Variants in DHX16 observed in about 807,000 individuals in gnomAD.
DHX16 encodes the protein pre-mRNA-splicing factor ATP-dependent RNA helicase DHX16.
DHX16 carries 81 observed loss-of-function variants against 131.2 expected under a neutral mutation model. The ratio of observed to expected loss-of-function variants is 0.62; its 90% confidence interval spans 0.52 to 0.74. The LOEUF is 0.74. DHX16 is among the 30% of genes least tolerant of loss of function. DHX16 has a pLI of 0.00. For synonymous variants in DHX16, 440 were observed against 520.2 expected (o/e 0.85, Z 2.10); for missense variants, 980 against 1,363.1 (o/e 0.72, Z 4.43).
In DHX16 at chr6:30,670,560, C is replaced by A; in HGVS notation, c.610-94G>T. The A allele has an allele frequency of 2.2e-6, 3 of 1,372,710 alleles. No individual in the cohort carries two copies. The highest frequency in any genetic ancestry group is 2.1e-5 in the Admixed American group (1 of 48,282). 85.0% of individuals were successfully genotyped at this position (1,372,710 alleles called of 1,614,324 possible). On this transcript the variant is annotated intron_variant, in intron 3 of 19. Coordinates refer to ENST00000376442, the MANE Select transcript of DHX16 (RefSeq NM_003587.5). This position sits in a 1 kb window ranked among gnomAD's most constrained non-coding sequence, Gnocchi z 4.4. ...TAGAATCACAAGGATCATTCAGATG[C>A]GCCCTAACACAAAAAATGTCCCCTC... is the stretch of plus-strand genomic sequence containing the variant.
In DHX16 at chr6:30,659,456, G is replaced by C. The variant is rs765756992; in HGVS notation, c.2007+16C>G. ...GGGAAGCATAGGGGTGAAGAGTGTG[G>C]GTTTCTCCAACTGACCTTTCGTGCC... On this transcript the variant is annotated intron_variant, in intron 12 of 19. Coordinates refer to ENST00000376442, the MANE Select transcript of DHX16 (RefSeq NM_003587.5). 17 of 1,575,172 alleles carry C rather than the reference G, an allele frequency of 1.1e-5. No individual in the cohort carries two copies. In the East Asian group the frequency reaches 3.7e-4, roughly 35 times the overall value.
At position 30,659,525 on chromosome 6, in the gene DHX16, G is replaced by A; in HGVS notation, c.1954C>T (p.Pro652Ser). The A allele has an allele frequency of 1.2e-6, 2 of 1,609,528 alleles. No individual in the cohort carries two copies. Among genetic ancestry groups the A allele is most frequent in the Non-Finnish European group, 1.7e-6 (2 of 1,178,430 alleles). Residue 652 changes from proline (P) to serine (S), a missense_variant, in exon 12 of 20, where the codon CCC (proline) becomes TCC (serine). Transcript: ENST00000376442. ...AAGATACGGGCCTGCATGTCAGAGG[G>A]CAGATTGGCATAAATGGGCAGCACC... ...LLVLPIYANLPSDMQARIFQP... is the reference protein window; with the variant it reads ...LLVLPIYANLSSDMQARIFQP...
chr6:30,663,115 G>T, intron 7 of DHX16, 94 bp from the exon 8 acceptor site: 1 of 1,050,876 alleles, frequency 9.5e-7, no homozygotes, highest in Non-Finnish European at 1.4e-6. Context: ...TAAAAACCAG[G>T]CAGGAGAAAA....
intron 12 of DHX16, 109 bp from the exon 13 acceptor site, chr6:30,657,201 G>A (rs1768068814): frequency 1.7e-6 from 2 of 1,157,106 alleles, no homozygotes; most frequent in Non-Finnish European, 2.4e-6. Context: ...AGGGGCAGGA[G>A]CTGAGGGAAT....
Position 30,660,251 on chromosome 6 carries a change from G to A in DHX16, c.1545-9C>T. 2 of 1,520,352 alleles carry A rather than the reference G, an allele frequency of 1.3e-6. No individual in the cohort carries two copies. Among genetic ancestry groups the A allele is most frequent in the Non-Finnish European group, 1.8e-6 (2 of 1,134,278 alleles). 94.2% of individuals were successfully genotyped at this position (1,520,352 alleles called of 1,614,324 possible). ...CATCCACCATCACCACGCTGGGGAGGGAATAGGAGAGCAATGAGGGAAGAG... is the reference window on the plus strand; with the variant it reads ...CATCCACCATCACCACGCTGGGGAGAGAATAGGAGAGCAATGAGGGAAGAG... On this transcript the variant is annotated splice_polypyrimidine_tract_variant and intron_variant, in intron 9 of 19. Coordinates refer to ENST00000376442, the MANE Select transcript of DHX16 (RefSeq NM_003587.5).
At chr6:30,672,413 T>G (rs893201905) in intron 1 of DHX16, among the ~76,000 whole-genome samples, 1 of 151,998 alleles carries the variant, frequency 6.6e-6, no homozygotes, top group Non-Finnish European at 1.5e-5. Context: ...TGGATGCATG[T>G]TAAGAGTTCG....
chr6:30,654,890 G>A lies in DHX16; in HGVS notation c.2824-11C>T. 6.2e-7 allele frequency: 1 copy of A among 1,602,970 alleles called. No homozygotes were observed. Among genetic ancestry groups the A allele is most frequent in the Non-Finnish European group, 8.5e-7 (1 of 1,174,720 alleles). On this transcript the variant is annotated splice_polypyrimidine_tract_variant and intron_variant, in intron 18 of 19. Coordinates refer to ENST00000376442, the MANE Select transcript of DHX16 (RefSeq NM_003587.5). ...ACCAGCAGTGATGGCCTAAGGAGCGGGCAGGAAAGAAAATCAATGGAAAAG... is the reference window on the plus strand; with the variant it reads ...ACCAGCAGTGATGGCCTAAGGAGCGAGCAGGAAAGAAAATCAATGGAAAAG...
chr6:30,663,276 G>C (rs1768689549), intron 7 of DHX16, among the ~76,000 whole-genome samples: 1 of 152,140 alleles, frequency 6.6e-6, no homozygotes, highest in Non-Finnish European at 1.5e-5. Flanking sequence ...GATTAGCTGA[G>C]ACAGAGCCAG....
chr6:30,653,518 C>T (rs1767654574), intron 19 of DHX16, 148 bp from the exon 20 acceptor site: 1 of 774,680 alleles, frequency 1.3e-6, no homozygotes, highest in Non-Finnish European at 1.9e-6. Context: ...AGCAGTCCTA[C>T]TGCCTCAGCC....
chr6:30,657,270 G>A (rs1461365689), intron 12 of DHX16, among the ~76,000 whole-genome samples, 178 bp from the exon 13 acceptor site: 2 of 152,168 alleles, frequency 1.3e-5, no homozygotes, highest in Non-Finnish European at 2.9e-5. Flanking sequence ...ACAGGGAAGT[G>A]GGGGCTGGGA....
rs1767921284 is a variant in DHX16 at position 30,655,695 on chromosome 6, T to C, written c.2499-98A>G. On this transcript the variant is annotated intron_variant, in intron 16 of 19. Coordinates refer to ENST00000376442, the MANE Select transcript of DHX16 (RefSeq NM_003587.5). ...TCACTGTGTGATGGATGTTTCCTCA[T>C]GTGGGGAAGGCTGGTTGGCATAATG... 4 of 1,400,484 alleles carry C rather than the reference T, an allele frequency of 2.9e-6. No individual in the cohort carries two copies. In the South Asian group the frequency reaches 3.8e-5, roughly 13 times the overall value. 86.8% of individuals were successfully genotyped at this position (1,400,484 alleles called of 1,614,324 possible).
chr6:30,663,811 G>A (rs1337614881), intron 7 of DHX16, among the ~76,000 whole-genome samples: 1 of 151,606 alleles, frequency 6.6e-6, no homozygotes. Context: ...CAGATCACGA[G>A]GTCAGGAGAT....
chr6:30,665,546 GCC>G lies in DHX16; in HGVS notation c.852_853del (p.Ala285SerfsTer79). The G allele has an allele frequency of 6.2e-7, 1 of 1,613,066 alleles. No individual in the cohort carries two copies. Among genetic ancestry groups the G allele is most frequent in the South Asian group, 1.1e-5 (1 of 91,082 alleles). The stretch of plus-strand genomic sequence containing the variant: ...CTCCAGCTTCTCCTGCTCCCCAGCT[GCC>G]CGGTACTCCCGGGCGAGATCCCGCA... On this transcript the variant is annotated frameshift_variant, in exon 5 of 20. Coordinates refer to ENST00000376442, the MANE Select transcript of DHX16 (RefSeq NM_003587.5). LOFTEE classifies it high-confidence loss of function. The surrounding 1 kb of genome is among the most constrained non-coding windows in gnomAD (Gnocchi z 4.8).
chr6:30,659,012 A>C (rs1056176744), intron 12 of DHX16, among the ~76,000 whole-genome samples: 1 of 151,952 alleles, frequency 6.6e-6, no homozygotes, highest in Non-Finnish European at 1.5e-5. Context: ...TCAGCCTCCT[A>C]AACAGGTGGG....
Position 30,672,989 on chromosome 6 carries a change from G to A in DHX16, c.-148C>T, listed in dbSNP as rs541487833. Reference sequence around the variant, plus strand: ...CTCTAGGATCTTCCGACATCCCAAAGCTGTCTTCCCGTACCGCGGAGCCCG... The same window carrying A: ...CTCTAGGATCTTCCGACATCCCAAAACTGTCTTCCCGTACCGCGGAGCCCG... On this transcript the variant is annotated 5_prime_UTR_variant, in exon 1 of 20. Coordinates refer to ENST00000376442, the MANE Select transcript of DHX16 (RefSeq NM_003587.5). 2.6e-6 allele frequency: 4 copies of A among 1,551,100 alleles called. No homozygotes were observed. The highest frequency in any genetic ancestry group is 3.9e-5 in the Admixed American group (2 of 51,020).
At chr6:30,671,417 G>A (rs1387757962) in intron 1 of DHX16, 143 bp from the exon 2 acceptor site, 6 of 777,728 alleles carry the variant, frequency 7.7e-6, no homozygotes, top group Admixed American at 2.3e-5. Context: ...GCGTGATCTC[G>A]GCTCACTTCA....
intron 4 of DHX16, among the ~76,000 whole-genome samples, chr6:30,666,844 G>A (rs1388781323): frequency 6.6e-6 from 1 of 152,048 alleles, no homozygotes; most frequent in Non-Finnish European, 1.5e-5. Flanking sequence ...TACCCTTAAG[G>A]GGCCTGGTTC....
At chr6:30,658,352 G>C (rs913398384) in intron 12 of DHX16, among the ~76,000 whole-genome samples, 3 of 152,104 alleles carry the variant, frequency 2.0e-5, no homozygotes, top group African/African-American at 7.2e-5. Flanking sequence ...AGACCAACCT[G>C]GCCAAAATAG....
At position 30,656,329 on chromosome 6, in the gene DHX16, G is replaced by A. The variant is rs1309846045; in HGVS notation, c.2430+62C>T. 5.6e-6 allele frequency: 9 copies of A among 1,610,338 alleles called. No individual in the cohort carries two copies. The African/African-American group carries it at 1.2e-4, about 22-fold the overall frequency. ...TCAGGTTTCCCGCTACTACTACAGG[G>A]GTCCCTGGAGCCATCCTGACCCCTA... On this transcript the variant is annotated intron_variant, in intron 15 of 19. Coordinates refer to ENST00000376442, the MANE Select transcript of DHX16 (RefSeq NM_003587.5). This position sits in a 1 kb window ranked among gnomAD's most constrained non-coding sequence, Gnocchi z 5.1.
Sources: allele counts gnomAD v4.1 joint callset (sites outside exome capture counted in the v4.1 genomes callset), GRCh38; gene constraint gnomAD v4.1.1; non-coding constraint Gnocchi (gnomAD v3.1); transcripts MANE v1.5; gene names NCBI Gene and HGNC (gene_info 2026-07-23, HGNC 2026-07-21).